COLEC12: variants seen among roughly 807,000 people sequenced by gnomAD.
COLEC12 encodes the protein collectin subfamily member 12, also known as collectin-12.
Under a neutral mutation model 71.1 loss-of-function variants are expected in COLEC12, and 33 were observed. The ratio of observed to expected loss-of-function variants is 0.46; its 90% CI spans 0.35 to 0.62. The LOEUF is 0.62. COLEC12 is among the 20% of genes least tolerant of loss of function. The probability of loss-of-function intolerance (pLI) is 0.00; values close to 1 mark genes in which losing one functional copy is unlikely to be tolerated. For missense variants in COLEC12, 765 were observed against 916.1 expected (o/e 0.84, Z 2.13); for synonymous variants, 350 against 353.0 (o/e 0.99, Z 0.10).
chr18:400,219 T>C (rs2143612556), intron 2 of COLEC12, among the ~76,000 whole-genome samples: 1 of 152,234 alleles, frequency 6.6e-6, no homozygotes, highest in South Asian at 2.1e-4. Context: ...AGCCCAGGTG[T>C]GCTCTAAAAA....
intron 2 of COLEC12, among the ~76,000 whole-genome samples, chr18:368,945 G>A (rs542696266): frequency 3.3e-5 from 5 of 152,178 alleles, no homozygotes; most frequent in East Asian, 3.9e-4. Flanking sequence ...TATCATGGGC[G>A]TGACTGGAGC....
intron 3 of COLEC12, among the ~76,000 whole-genome samples, chr18:350,653 C>A (rs774235744): frequency 3.3e-5 from 5 of 152,016 alleles, no homozygotes; most frequent in Non-Finnish European, 5.9e-5. Context: ...TCAGACCGGG[C>A]ATGGTGGCTC....
intron 2 of COLEC12, among the ~76,000 whole-genome samples, chr18:457,459 C>A (rs1173398028): frequency 6.6e-6 from 1 of 152,188 alleles, no homozygotes; most frequent in Non-Finnish European, 1.5e-5. Flanking sequence ...ATGTCACATG[C>A]TGGAGCTGAT....
chr18:444,946 A>G (rs1916617249), intron 2 of COLEC12, among the ~76,000 whole-genome samples: 1 of 152,140 alleles, frequency 6.6e-6, no homozygotes, highest in South Asian at 2.1e-4. Flanking sequence ...TTTACGTTTC[A>G]TGTTTTAAGC....
intron 2 of COLEC12, among the ~76,000 whole-genome samples, chr18:403,218 A>G (rs4798139): frequency 0.23 from 34,578 of 152,156 alleles, 4,151 homozygotes; most frequent in Middle Eastern, 0.27. Context: ...GGTTTGTTAC[A>G]TGTACACATG....
chr18:433,254 A>T (rs1363146047), intron 2 of COLEC12, among the ~76,000 whole-genome samples: 1 of 152,180 alleles, frequency 6.6e-6, no homozygotes, highest in East Asian at 1.9e-4. Flanking sequence ...GGAAAAAAGG[A>T]TCAAGTCATA....
intron 2 of COLEC12, among the ~76,000 whole-genome samples, chr18:413,014 T>C (rs545576580): frequency 6.6e-6 from 1 of 152,318 alleles, no homozygotes; most frequent in Admixed American, 6.5e-5. Context: ...AACAGCATAG[T>C]TGATTAAAAA....
chr18:355,954 A>C (rs1914620783), intron 3 of COLEC12, among the ~76,000 whole-genome samples: 1 of 152,236 alleles, frequency 6.6e-6, no homozygotes, highest in Non-Finnish European at 1.5e-5. Context: ...AGTCTAACTC[A>C]TCACAAATGG....
At position 333,155 on chromosome 18, in the gene COLEC12, A is replaced by C; in HGVS notation, c.1817-12T>G. On this transcript the variant is annotated splice_polypyrimidine_tract_variant and intron_variant, in intron 6 of 9. Coordinates refer to ENST00000400256, the MANE Select transcript of COLEC12 (RefSeq NM_130386.3). ...GTGAGGCGGGCAGCCTAGGAATGCA[A>C]AAGTGGAAAACATTGATTAAAAGAT... 2 of 1,584,066 alleles carry C rather than the reference A, an allele frequency of 1.3e-6. No homozygotes were observed. Among genetic ancestry groups the C allele is most frequent in the Non-Finnish European group, 1.7e-6 (2 of 1,169,166 alleles).
At chr18:481,248 A>G (rs751687383) in intron 1 of COLEC12, among the ~76,000 whole-genome samples, 4 of 151,890 alleles carry the variant, frequency 2.6e-5, no homozygotes, top group Non-Finnish European at 5.9e-5. Context: ...TCCTTCACTA[A>G]CTGTTGCCTC....
At chr18:334,684 C>G in intron 6 of COLEC12, 58 bp downstream of exon 6, 1 of 1,393,454 alleles carries the variant, frequency 7.2e-7, no homozygotes, top group Non-Finnish European at 9.4e-7. Context: ...GGGGTTGGCT[C>G]AGTCTCAAGC....
intron 2 of COLEC12, among the ~76,000 whole-genome samples, chr18:420,926 T>A (rs1207405755): frequency 6.6e-6 from 1 of 152,086 alleles, no homozygotes; most frequent in Non-Finnish European, 1.5e-5. Context: ...TGCTCCTCTC[T>A]CCTAATCATC....
chr18:346,184 A>G lies in COLEC12; in HGVS notation c.1327+111T>C, dbSNP rs1914366029. On this transcript the variant is annotated intron_variant, in intron 5 of 9. Coordinates refer to ENST00000400256, the MANE Select transcript of COLEC12 (RefSeq NM_130386.3). This position sits in a 1 kb window ranked among gnomAD's most constrained non-coding sequence, Gnocchi z 4.0. The stretch of plus-strand genomic sequence containing the variant: ...AGCTGCTCTTGAATTCCTGGTCCAC[A>G]AAAACTATGAGATGATGAATATTTA... The G allele has an allele frequency of 1.2e-6, 1 of 807,278 alleles. No homozygotes were observed. The highest frequency in any genetic ancestry group is 1.9e-6 in the Non-Finnish European group (1 of 518,480). 50.0% of individuals were successfully genotyped at this position (807,278 alleles called of 1,614,324 possible).
intron 2 of COLEC12, among the ~76,000 whole-genome samples, chr18:359,930 T>C (rs1415634993): frequency 6.6e-6 from 1 of 152,228 alleles, no homozygotes; most frequent in African/African-American, 2.4e-5. Context: ...CTGTGTTTAA[T>C]GCAAAATGAT....
At chr18:434,223 T>C (rs1211864906) in intron 2 of COLEC12, among the ~76,000 whole-genome samples, 4 of 152,202 alleles carry the variant, frequency 2.6e-5, no homozygotes, top group Non-Finnish European at 5.9e-5. Flanking sequence ...GGAGAATTAT[T>C]AGGATATACG....
intron 2 of COLEC12, among the ~76,000 whole-genome samples, chr18:402,489 G>C (rs1426627101): frequency 6.6e-6 from 1 of 151,614 alleles, no homozygotes; most frequent in Non-Finnish European, 1.5e-5. Context: ...ACAACAGTAT[G>C]AAAGAGGGTA....
intron 2 of COLEC12, among the ~76,000 whole-genome samples, chr18:469,708 T>G (rs1375235381): frequency 1.3e-5 from 2 of 152,182 alleles, no homozygotes; most frequent in African/African-American, 4.8e-5. Flanking sequence ...TACTCACACC[T>G]GCAGAATTTA....
intron 2 of COLEC12, among the ~76,000 whole-genome samples, chr18:368,614 C>G (rs956020457): frequency 1.3e-5 from 2 of 151,760 alleles, no homozygotes; most frequent in Non-Finnish European, 2.9e-5. Context: ...CCTGTAATCC[C>G]AGAACTTTGG....
intron 2 of COLEC12, among the ~76,000 whole-genome samples, chr18:418,553 GA>G (rs1916033527): frequency 6.6e-6 from 1 of 152,230 alleles, no homozygotes; most frequent in Admixed American, 6.5e-5. Flanking sequence ...CACAGGATAA[GA>G]TAGGAGGTCA....
Sources: gnomAD v4.1 joint callset for allele counts (sites outside exome capture counted in the v4.1 genomes callset) on GRCh38, gnomAD v4.1.1 for gene constraint, Gnocchi (gnomAD v3.1) non-coding constraint, MANE v1.5 for transcripts, NCBI Gene and HGNC (gene_info 2026-07-23, HGNC 2026-07-21) for gene names.